Variants in SIPA1L1 observed in about 807,000 individuals in gnomAD.
SIPA1L1 encodes signal-induced proliferation-associated 1-like protein 1.
Under a neutral mutation model 162.7 loss-of-function variants are expected in SIPA1L1, and 26 were observed. The ratio of observed to expected loss-of-function variants is 0.16; its 90% CI spans 0.12 to 0.22. SIPA1L1 has a LOEUF of 0.22. SIPA1L1 is among the 10% of genes least tolerant of loss of function. The probability of loss-of-function intolerance (pLI) is 1.00; values close to 1 mark genes in which losing one functional copy is unlikely to be tolerated. For synonymous variants in SIPA1L1, 829 were observed against 837.4 expected (o/e 0.99, Z 0.17); for missense variants, 1,874 against 2,241.0 (o/e 0.84, Z 3.31).
At chr14:71,541,980 T>C (rs1289510473) in intron 4 of SIPA1L1, among the ~76,000 whole-genome samples, 6 of 152,188 alleles carry the variant, frequency 3.9e-5, no homozygotes, top group African/African-American at 1.4e-4. Flanking sequence ...AATAACTTAC[T>C]GACTTTGGGG....
chr14:71,460,889 A>G lies in SIPA1L1; in HGVS notation c.-464-51854A>G, dbSNP rs895795504. Reference sequence around the variant, plus strand: ...GTATTGTCAGCTAGTTGGCATTGTAATTGTGACTTCAAAAGGCCATTCCAC... The same window carrying G: ...GTATTGTCAGCTAGTTGGCATTGTAGTTGTGACTTCAAAAGGCCATTCCAC... On this transcript the variant is annotated intron_variant, in intron 2 of 23. Transcript: ENST00000381232. 2.0e-5 allele frequency among the ~76,000 whole-genome samples: 3 copies of G among 152,306 alleles called. No individual in the cohort carries two copies. In the East Asian group the frequency reaches 5.8e-4, roughly 29 times the overall value.
intron 2 of SIPA1L1, among the ~76,000 whole-genome samples, chr14:71,328,028 A>G (rs2286409): frequency 0.059 from 9,022 of 152,216 alleles, 617 homozygotes; most frequent in African/African-American, 0.17. Flanking sequence ...AATGCCTGTG[A>G]TTCTTCAAAG....
chr14:71,532,870 T>C (rs1347490380), intron 4 of SIPA1L1, among the ~76,000 whole-genome samples: 1 of 152,206 alleles, frequency 6.6e-6, no homozygotes, highest in East Asian at 1.9e-4. Context: ...TGTGAGAAGG[T>C]AGGAAGTGTG....
intron 2 of SIPA1L1, among the ~76,000 whole-genome samples, chr14:71,474,341 G>A (rs933871357): frequency 1.3e-5 from 2 of 152,154 alleles, no homozygotes; most frequent in African/African-American, 4.8e-5. Flanking sequence ...CCAAACTGAC[G>A]GTGATTCTGC....
chr14:71,366,143 T>C (rs2038274182), intron 2 of SIPA1L1, among the ~76,000 whole-genome samples: 1 of 152,096 alleles, frequency 6.6e-6, no homozygotes, highest in South Asian at 2.1e-4. Flanking sequence ...GGGTAGTTAG[T>C]ATTTTTTAAA....
intron 6 of SIPA1L1, among the ~76,000 whole-genome samples, chr14:71,621,180 CT>C (rs1025050517): frequency 1.3e-5 from 2 of 152,206 alleles, no homozygotes; most frequent in African/African-American, 4.8e-5. Flanking sequence ...ACTGTTCTCC[CT>C]GCTTCTATGC....
rs111750084 is a variant in SIPA1L1, at chr14:71,599,460, C to CT, written c.1498+10109dup. Among the ~76,000 whole-genome samples the CT allele has an allele frequency of 9.1e-3, 1,186 of 130,298 alleles. 8 individuals are homozygous for CT. The highest frequency in any genetic ancestry group is 0.012 in the Non-Finnish European group (761 of 61,692). The allele number at this position is 130,298 out of a possible 152,430, so 85.5% of individuals were successfully genotyped here. A position where few individuals can be genotyped will look rare whatever the true frequency, so the allele number is the denominator to read the frequency against. On this transcript the variant is annotated intron_variant, in intron 5 of 23. Transcript: ENST00000381232. ...AGCCACCACGCTGGGCGATTTCATTCTTTTTTTTTTTTTTTTTTTAATCAC... is the reference window on the plus strand; with the variant it reads ...AGCCACCACGCTGGGCGATTTCATTCTTTTTTTTTTTTTTTTTTTTAATCAC...
chr14:71,401,075 G>A (rs2041635150), intron 2 of SIPA1L1, among the ~76,000 whole-genome samples: 1 of 152,172 alleles, frequency 6.6e-6, no homozygotes, highest in African/African-American at 2.4e-5. Flanking sequence ...AATGAGAAGA[G>A]TATGTATTTT....
chr14:71,432,105 G>C (rs1281429033), intron 2 of SIPA1L1, among the ~76,000 whole-genome samples: 1 of 151,912 alleles, frequency 6.6e-6, no homozygotes, highest in Non-Finnish European at 1.5e-5. Flanking sequence ...AAAGGATCTT[G>C]TCTCTGTAGC....
intron 2 of SIPA1L1, among the ~76,000 whole-genome samples, chr14:71,380,008 G>A (rs1179133537): frequency 2.0e-5 from 3 of 152,046 alleles, no homozygotes; most frequent in Non-Finnish European, 4.4e-5. Context: ...TAATAATATA[G>A]AATAGAGGTT....
intron 17 of SIPA1L1, among the ~76,000 whole-genome samples, chr14:71,710,749 G>A (rs79863462): frequency 1.3e-5 from 2 of 150,188 alleles, no homozygotes; most frequent in South Asian, 2.1e-4. Context: ...CAGAGGTTGC[G>A]GTGAGCCAAG....
At chr14:71,527,627 ATT>A (rs112758073) in intron 3 of SIPA1L1, among the ~76,000 whole-genome samples, 1 of 150,948 alleles carries the variant, frequency 6.6e-6, no homozygotes, top group African/African-American at 2.4e-5. Context: ...ATGCTTAAAA[ATT>A]TTTTTTTTAA....
intron 2 of SIPA1L1, among the ~76,000 whole-genome samples, chr14:71,343,478 C>T (rs529309406): frequency 6.6e-6 from 1 of 152,164 alleles, no homozygotes; most frequent in East Asian, 1.9e-4. Flanking sequence ...AATGTACCGT[C>T]TTTGATATTT....
chr14:71,363,794 C>A (rs1009882329), intron 2 of SIPA1L1, among the ~76,000 whole-genome samples: 4 of 152,198 alleles, frequency 2.6e-5, no homozygotes, highest in African/African-American at 9.7e-5. Flanking sequence ...AGCAAAGTGT[C>A]AGCCCAGAAA....
chr14:71,562,624 C>G (rs994961552), intron 4 of SIPA1L1, among the ~76,000 whole-genome samples: 4 of 152,130 alleles, frequency 2.6e-5, no homozygotes, highest in African/African-American at 9.7e-5. Flanking sequence ...GTTGGATAAC[C>G]TGCTGGTTTT....
At chr14:71,622,299 G>A (rs1210229649) in intron 6 of SIPA1L1, among the ~76,000 whole-genome samples, 1 of 152,220 alleles carries the variant, frequency 6.6e-6, no homozygotes, top group Non-Finnish European at 1.5e-5. Context: ...TTTATGGCAT[G>A]TGAGTGTTTT....
At position 71,445,408 on chromosome 14, in the gene SIPA1L1, C is replaced by T. The variant is rs369621292; in HGVS notation, c.-464-67335C>T. On this transcript the variant is annotated intron_variant, in intron 2 of 23. Coordinates refer to ENST00000381232, the MANE Select transcript of SIPA1L1 (RefSeq NM_001386936.1). Reference sequence around the variant, plus strand: ...GCTACACTGATCACTGTTTCTTTCTCGGGAATTTTATTTTAAAATAAAGTC... The same window carrying T: ...GCTACACTGATCACTGTTTCTTTCTTGGGAATTTTATTTTAAAATAAAGTC... Among the ~76,000 whole-genome samples, 89 of 151,134 alleles carry T rather than the reference C, an allele frequency of 5.9e-4. No homozygotes were observed. The South Asian group carries it at 0.018, about 31-fold the overall frequency.
chr14:71,332,998 T>C (rs936752930), intron 2 of SIPA1L1, among the ~76,000 whole-genome samples: 2 of 152,240 alleles, frequency 1.3e-5, no homozygotes, highest in African/African-American at 4.8e-5. Flanking sequence ...GTGAGAAAAT[T>C]CTATAATGGT....
chr14:71,488,153 G>A (rs936415005), intron 2 of SIPA1L1, among the ~76,000 whole-genome samples: 8 of 152,206 alleles, frequency 5.3e-5, no homozygotes, highest in African/African-American at 1.4e-4. Context: ...ATCTTTAGGC[G>A]TGGTGGAGGG....
Sources: gnomAD v4.1 joint callset for allele counts (sites outside exome capture counted in the v4.1 genomes callset) on GRCh38, gnomAD v4.1.1 for gene constraint, MANE v1.5 for transcripts, NCBI Gene and HGNC (gene_info 2026-07-23, HGNC 2026-07-21) for gene names.